The following ATRX variants were observed in gnomAD, a reference collection of about 807,000 sequenced individuals.
The protein encoded by ATRX is ATRX chromatin remodeler, also known as chromatin remodeler ATRX.
ATRX carries 12 observed loss-of-function variants against 172.6 expected under a neutral mutation model. The ratio of observed to expected loss-of-function variants is 0.07; its 90% confidence interval spans 0.04 to 0.11. ATRX has a LOEUF of 0.11. ATRX is among the 10% of genes least tolerant of loss of function. The pLI, the probability that ATRX is intolerant of heterozygous loss-of-function variation, is 1.00. For missense variants in ATRX, 1,368 were observed against 1,767.4 expected (o/e 0.77, Z 4.05); for synonymous variants, 674 against 594.7 (o/e 1.13, Z -1.94).
intron 15 of ATRX, 108 bp downstream of exon 15, chrX:77,652,006 A>G (rs782755380): frequency 3.4e-4 from 282 of 823,239 alleles, no homozygotes; most frequent in Non-Finnish European, 4.5e-4. Context: ...GAAGTTTAGG[A>G]GGCCAAGGTA....
At chrX:77,628,769 G>A (rs887091860) in intron 19 of ATRX, among the ~76,000 whole-genome samples, 2 of 111,164 alleles carry the variant, frequency 1.8e-5, no homozygotes, top group African/African-American at 6.5e-5. Context: ...CACCACACCT[G>A]GTTAATTCTT....
intron 2 of ATRX, among the ~76,000 whole-genome samples, chrX:77,701,552 G>A (rs2072513419): frequency 9.1e-6 from 1 of 109,631 alleles, no homozygotes; most frequent in South Asian, 3.9e-4. Flanking sequence ...AATTAAGGAA[G>A]AAAGGAAATT....
At chrX:77,545,694 C>T (rs1317220522) in intron 30 of ATRX, among the ~76,000 whole-genome samples, 4 of 111,375 alleles carry the variant, frequency 3.6e-5, no homozygotes, top group Non-Finnish European at 5.7e-5. Flanking sequence ...AGCAGGCATT[C>T]AGATAGTAAC....
intron 19 of ATRX, among the ~76,000 whole-genome samples, chrX:77,626,301 G>A (rs1557102929): frequency 9.4e-6 from 1 of 106,836 alleles, no homozygotes; most frequent in East Asian, 3.0e-4. Flanking sequence ...TAGGAGGAGG[G>A]CAAGGGATAA....
At chrX:77,706,923 A>T (rs782114008) in intron 2 of ATRX, among the ~76,000 whole-genome samples, 1 of 111,545 alleles carries the variant, frequency 9.0e-6, no homozygotes, top group Admixed American at 9.6e-5. Flanking sequence ...AAATAAAGAC[A>T]ACTCAAAGAA....
intron 1 of ATRX, among the ~76,000 whole-genome samples, chrX:77,743,364 G>A (rs1479645204): frequency 9.0e-6 from 1 of 111,007 alleles, no homozygotes; most frequent in African/African-American, 3.3e-5. Flanking sequence ...CCAGCAGCCT[G>A]AAGATCATTC....
At chrX:77,711,931 T>C (rs1396234119) in intron 2 of ATRX, among the ~76,000 whole-genome samples, 2 of 112,375 alleles carry the variant, frequency 1.8e-5, no homozygotes, top group Non-Finnish European at 3.8e-5. Flanking sequence ...CTCAAAGCTT[T>C]TGTTCTGTTC....
At chrX:77,695,937 C>T (rs975357357) in intron 5 of ATRX, among the ~76,000 whole-genome samples, 5 of 111,525 alleles carry the variant, frequency 4.5e-5, no homozygotes, top group African/African-American at 1.6e-4. Flanking sequence ...AACCAAGTTC[C>T]CTGTCATTCT....
chrX:77,769,344 G>A (rs2076080504), intron 1 of ATRX, among the ~76,000 whole-genome samples: 1 of 107,291 alleles, frequency 9.3e-6, no homozygotes, highest in Non-Finnish European at 1.9e-5. Context: ...GTGCAGTGGT[G>A]CTATCTTGGC....
At chrX:77,712,703 C>A (rs1325583084) in intron 2 of ATRX, among the ~76,000 whole-genome samples, 1 of 111,063 alleles carries the variant, frequency 9.0e-6, no homozygotes, top group Non-Finnish European at 1.9e-5. Flanking sequence ...GTGGTGTGCA[C>A]CTGTAGTTCC....
chrX:77,579,196 C>T (rs1341700110), intron 27 of ATRX, among the ~76,000 whole-genome samples: 1 of 112,642 alleles, frequency 8.9e-6, no homozygotes, highest in Non-Finnish European at 1.9e-5. Flanking sequence ...TCTCTATACC[C>T]GCCCAGGGAC....
chrX:77,638,523 C>T (rs1156424675), intron 15 of ATRX, among the ~76,000 whole-genome samples: 1 of 112,378 alleles, frequency 8.9e-6, no homozygotes. Flanking sequence ...TCACTGACAG[C>T]ATTTTACCCA....
intron 6 of ATRX, among the ~76,000 whole-genome samples, chrX:77,692,363 G>C (rs955024689): frequency 8.9e-6 from 1 of 111,885 alleles, no homozygotes. Context: ...TAGATTCTCA[G>C]AAAGATTCCT....
chrX:77,777,296 G>A (rs1206471476), intron 1 of ATRX, among the ~76,000 whole-genome samples: 2 of 105,668 alleles, frequency 1.9e-5, no homozygotes, highest in South Asian at 4.3e-4. Context: ...CATGAGAATC[G>A]CTTGAACCCA....
rs149195735 is a variant in ATRX, at chrX:77,682,441, C to G, written c.2815G>C (p.Val939Leu). ...TTGCTCTTTTCTTTAGTTTCAGCAA[C>G]TTTTCTAACTTCCAAAGAAGTAAAA... ...ESFTSLEVRK[V>L]AETKEKSKHL... Residue 939 changes from valine to leucine, a missense_variant, in exon 9 of 35, where the codon GTT becomes CTT. This residue lies in a region of ATRX where 843 missense variants were observed against 643.1 expected (regional missense o/e 1.31). Transcript: ENST00000373344. 5.0e-5 allele frequency: 61 copies of G among 1,209,351 alleles called. No individual in the cohort carries two copies. Among genetic ancestry groups the G allele is most frequent in the Non-Finnish European group, 6.8e-5 (61 of 894,968 alleles).
chrX:77,725,922 G>A (rs782119249), intron 1 of ATRX, among the ~76,000 whole-genome samples: 28 of 112,284 alleles, frequency 2.5e-4, no homozygotes, highest in African/African-American at 8.7e-4. Flanking sequence ...ACCACAATGA[G>A]ATACCATCTC....
At chrX:77,736,236 G>A (rs1401019153) in intron 1 of ATRX, among the ~76,000 whole-genome samples, 2 of 111,502 alleles carry the variant, frequency 1.8e-5, no homozygotes, top group African/African-American at 6.5e-5. Flanking sequence ...AAGTTAAAAA[G>A]CTTTTGCATA....
chrX:77,535,509 A>G (rs782388659), intron 30 of ATRX, among the ~76,000 whole-genome samples: 24 of 112,033 alleles, frequency 2.1e-4, no homozygotes, highest in Non-Finnish European at 4.1e-4. Context: ...GTAGAAAGTC[A>G]TCATTCTAGA....
chrX:77,738,360 T>C (rs1334232173), intron 1 of ATRX, among the ~76,000 whole-genome samples: 2 of 102,694 alleles, frequency 1.9e-5, no homozygotes, highest in Non-Finnish European at 3.9e-5. Flanking sequence ...CAATAAATAA[T>C]AATAATAATA....
Sources: gnomAD v4.1 joint callset for allele counts (sites outside exome capture counted in the v4.1 genomes callset) on GRCh38, gnomAD v4.1.1 for gene constraint, gnomAD v4.1.1 regional missense constraint, MANE v1.5 for transcripts, NCBI Gene and HGNC (gene_info 2026-07-23, HGNC 2026-07-21) for gene names.